ARHGEF1: variants seen among roughly 807,000 people sequenced by gnomAD.
ARHGEF1 encodes Rho guanine nucleotide exchange factor 1, also known as 115 kDa guanine nucleotide exchange factor.
In ARHGEF1, 40 loss-of-function variants were observed where a neutral mutation model predicts 119.7. The observed-to-expected ratio is 0.33, with a 90% CI of 0.26 to 0.44. The LOEUF is 0.44. ARHGEF1 is among the 20% of genes least tolerant of loss of function. ARHGEF1 has a pLI of 1.00. For missense variants in ARHGEF1, 976 were observed against 1,268.3 expected (o/e 0.77, Z 3.50); for synonymous variants, 494 against 521.0 (o/e 0.95, Z 0.71).
downstream of ARHGEF1, among the ~76,000 whole-genome samples, chr19:41,911,823 T>C (rs911983570): frequency 1.3e-5 from 2 of 152,074 alleles, no homozygotes; most frequent in East Asian, 1.9e-4. Flanking sequence ...GTTGTACCTA[T>C]GAGGCACAGG....
intron 13 of ARHGEF1, 90 bp from the exon 14 acceptor site, chr19:41,898,352 G>A (rs1210263110): frequency 1.3e-6 from 2 of 1,537,204 alleles, no homozygotes; most frequent in African/African-American, 2.7e-5. Flanking sequence ...GAATGCCAAG[G>A]CCACTGACCG....
intron 1 of ARHGEF1, among the ~76,000 whole-genome samples, chr19:41,927,344 A>T (rs77521434): frequency 0.01 from 1,584 of 152,144 alleles, 28 homozygotes; most frequent in African/African-American, 0.036. Context: ...ATTGGCCCAA[A>T]TGTCCTTCCC....
chr19:41,902,143 G>A lies in ARHGEF1; in HGVS notation c.1414+110G>A. The A allele has an allele frequency of 6.4e-7, 1 of 1,557,670 alleles. No homozygotes were observed. Among genetic ancestry groups the A allele is most frequent in the South Asian group, 1.2e-5 (1 of 84,806 alleles). ...ACCCCAGGGTTCACATGGGGTGGGG[G>A]CAGATACGCCATCCGGTCCCGAGGA... On this transcript the variant is annotated intron_variant, in intron 15 of 28. Coordinates refer to ENST00000354532, the MANE Select transcript of ARHGEF1 (RefSeq NM_004706.4). This position sits in a 1 kb window ranked among gnomAD's most constrained non-coding sequence, Gnocchi z 6.5.
At chr19:41,907,642 C>G, downstream of ARHGEF1, 1 of 467,174 alleles carries the variant, frequency 2.1e-6, no homozygotes, top group East Asian at 4.0e-5. Context: ...TGAGGCGTCT[C>G]CCTGACACCG....
Position 41,905,466 on chromosome 19 carries a change from G to A in ARHGEF1, c.2336+205G>A. On this transcript the variant is annotated intron_variant, in intron 24 of 28. Coordinates refer to ENST00000354532, the MANE Select transcript of ARHGEF1 (RefSeq NM_004706.4). This position sits in a 1 kb window ranked among gnomAD's most constrained non-coding sequence, Gnocchi z 6.4. The stretch of plus-strand genomic sequence containing the variant: ...TATGCATGCATGTGTGCGTGTGCAT[G>A]TGTGTGCGTGTATGGTGTGTGTGTA... 3.2e-6 allele frequency: 2 copies of A among 615,660 alleles called. No homozygotes were observed. Among genetic ancestry groups the A allele is most frequent in the Non-Finnish European group, 5.7e-6 (2 of 350,524 alleles). 38.1% of individuals were successfully genotyped at this position (615,660 alleles called of 1,614,324 possible).
rs781824527 is a variant in ARHGEF1 at position 41,906,769 on chromosome 19, C to A, written c.2722C>A (p.Gln908Lys). 9.3e-6 allele frequency: 15 copies of A among 1,611,436 alleles called. No homozygotes were observed. Among genetic ancestry groups the A allele is most frequent in the Non-Finnish European group, 1.3e-5 (15 of 1,178,974 alleles). ...LSQLGGNSVP[Q>K]PGCT ...TCAGCTTGGGGGGAACTCTGTCCCC[C>A]AGCCTGGCTGCACTTGAGGTTCCCG... Residue 908 changes from glutamine to lysine, a missense_variant, in exon 28 of 29, where the codon CAG (glutamine) becomes AAG (lysine). Transcript: ENST00000354532. This position sits in a 1 kb window ranked among gnomAD's most constrained non-coding sequence, Gnocchi z 4.5.
intron 8 of ARHGEF1, 148 bp from the exon 9 acceptor site, chr19:41,894,059 C>T: frequency 2.0e-6 from 1 of 491,142 alleles, no homozygotes; most frequent in Non-Finnish European, 3.4e-6. Flanking sequence ...CAGAGTCTCA[C>T]AGGAAGTAGT....
intron 1 of ARHGEF1, among the ~76,000 whole-genome samples, chr19:41,884,108 C>T (rs997153581): frequency 2.6e-4 from 40 of 152,152 alleles, no homozygotes; most frequent in Non-Finnish European, 4.7e-4. Flanking sequence ...TCCGAGTGCT[C>T]AGCGCTGGGG....
At chr19:41,913,121 C>T (rs888038725) in intron 18 of ARHGEF1, among the ~76,000 whole-genome samples, 8 of 152,126 alleles carry the variant, frequency 5.3e-5, no homozygotes, top group East Asian at 3.9e-4. Flanking sequence ...GTTCCCGGCC[C>T]CGAGACCCCG....
upstream of ARHGEF1, among the ~76,000 whole-genome samples, chr19:41,922,629 G>A (rs943891739): frequency 2.6e-5 from 4 of 152,094 alleles, no homozygotes; most frequent in African/African-American, 9.7e-5. Flanking sequence ...AGAGGCAGTG[G>A]GGCAGGCCTG....
In ARHGEF1 at chr19:41,892,685, G is replaced by A; in HGVS notation, c.450G>A (p.Val150=). The A allele has an allele frequency of 6.2e-7, 1 of 1,613,732 alleles. No individual in the cohort carries two copies. The highest frequency in any genetic ancestry group is 8.5e-7 in the Non-Finnish European group (1 of 1,179,906). ...TGGTGCAAAGCCAGCAGGTAGCCGTGGGCCGGCAGCTGGAGGACTTCCGTT... is the reference window on the plus strand; with the variant it reads ...TGGTGCAAAGCCAGCAGGTAGCCGTAGGCCGGCAGCTGGAGGACTTCCGTT... ...QEVVQSQQVA[V]GRQLEDFRSK... Residue 150 remains valine, a synonymous_variant, in exon 7 of 29, where the codon GTG becomes GTA. Coordinates refer to ENST00000354532, the MANE Select transcript of ARHGEF1 (RefSeq NM_004706.4). The surrounding 1 kb of genome is among the most constrained non-coding windows in gnomAD (Gnocchi z 6.3).
intron 1 of ARHGEF1, among the ~76,000 whole-genome samples, chr19:41,924,536 CGTT>C (rs1321478593): frequency 2.0e-5 from 3 of 151,946 alleles, no homozygotes; most frequent in African/African-American, 7.3e-5. Flanking sequence ...TCCTCATTCT[CGTT>C]GTCGCCATCA....
chr19:41,894,896 C>G (rs1176864828), intron 11 of ARHGEF1, among the ~76,000 whole-genome samples: 3 of 98,812 alleles, frequency 3.0e-5, no homozygotes, highest in Non-Finnish European at 4.8e-5. Flanking sequence ...GGGACTGGGC[C>G]TGGACCCCTG....
intron 18 of ARHGEF1, among the ~76,000 whole-genome samples, chr19:41,915,822 C>T (rs2074797416): frequency 6.6e-6 from 1 of 152,130 alleles, no homozygotes; most frequent in Non-Finnish European, 1.5e-5. Flanking sequence ...GGAGCGCGGC[C>T]TGCGGGGCCT....
At position 41,902,177 on chromosome 19, in the gene ARHGEF1, A is replaced by G; in HGVS notation, c.1415-97A>G. On this transcript the variant is annotated intron_variant, in intron 15 of 28. Transcript: ENST00000354532. This position sits in a 1 kb window ranked among gnomAD's most constrained non-coding sequence, Gnocchi z 6.5. ...CCATCCGGTCCCGAGGATCAGACAC[A>G]GACACACCTGCAGCCCTACCCCCAC... 1 of 1,564,958 alleles carries G rather than the reference A, an allele frequency of 6.4e-7. No individual in the cohort carries two copies. The highest frequency in any genetic ancestry group is 8.7e-7 in the Non-Finnish European group (1 of 1,143,022).
At chr19:41,898,375 C>T (rs868963473) in intron 13 of ARHGEF1, 67 bp from the exon 14 acceptor site, 3 of 1,548,332 alleles carry the variant, frequency 1.9e-6, no homozygotes, top group African/African-American at 1.4e-5. Context: ...GTTGAACGCT[C>T]TAAGAGGCTG....
chr19:41,912,835 G>C (rs2074761662), intron 18 of ARHGEF1: 1 of 958,456 alleles, frequency 1.0e-6, no homozygotes, highest in East Asian at 3.5e-5. Flanking sequence ...AGGGGTGGGG[G>C]AGGTCCGGGC....
upstream of ARHGEF1, among the ~76,000 whole-genome samples, chr19:41,918,102 G>A (rs985173517): frequency 2.0e-5 from 3 of 151,906 alleles, no homozygotes; most frequent in Non-Finnish European, 4.4e-5. Context: ...CCCCATCCCG[G>A]ACGCCACCCC....
chr19:41,887,350 G>T (rs782489113), intron 1 of ARHGEF1, among the ~76,000 whole-genome samples: 1 of 152,086 alleles, frequency 6.6e-6, no homozygotes, highest in Non-Finnish European at 1.5e-5. Flanking sequence ...AGACCAAGGC[G>T]CACGTAGGGT....
Sources: gnomAD v4.1 joint callset for allele counts (sites outside exome capture counted in the v4.1 genomes callset) on GRCh38, gnomAD v4.1.1 for gene constraint, Gnocchi (gnomAD v3.1) non-coding constraint, MANE v1.5 for transcripts, NCBI Gene and HGNC (gene_info 2026-07-23, HGNC 2026-07-21) for gene names.